The following BCR variants were observed in gnomAD, a reference collection of about 807,000 sequenced individuals.
BCR encodes breakpoint cluster region protein.
In BCR, 58 loss-of-function variants were observed where a neutral mutation model predicts 138.6. The ratio of observed to expected loss-of-function variants is 0.42; its 90% CI spans 0.34 to 0.52. BCR has a LOEUF of 0.52. Among genes scored for constraint, BCR ranks in the 20% least tolerant of loss-of-function variants. The probability of loss-of-function intolerance (pLI) is 0.06; values close to 1 mark genes in which losing one functional copy is unlikely to be tolerated. For missense variants in BCR, 1,599 were observed against 1,727.2 expected (o/e 0.93, Z 1.32); for synonymous variants, 786 against 730.1 (o/e 1.08, Z -1.23).
chr22:23,184,627 A>G (rs1391114772), intron 1 of BCR, among the ~76,000 whole-genome samples: 2 of 152,132 alleles, frequency 1.3e-5, no homozygotes, highest in African/African-American at 4.8e-5. Flanking sequence ...ACCTACCTGC[A>G]TTGGTGCCTC....
At chr22:23,271,151 A>G (rs2073505181) in intron 5 of BCR, among the ~76,000 whole-genome samples, 1 of 152,228 alleles carries the variant, frequency 6.6e-6, no homozygotes, top group Non-Finnish European at 1.5e-5. Context: ...TTCACAAGGG[A>G]CACTTGGCAA....
rs180818 is a variant in BCR at position 23,315,876 on chromosome 22, T to A, written c.*354T>A. The stretch of plus-strand genomic sequence containing the variant: ...ATTTCTACTGGATCACTTGTCAAGA[T>A]GCGCCCTCTCTGGGGAGAAGGGAAC... On this transcript the variant is annotated 3_prime_UTR_variant, in exon 23 of 23. Transcript: ENST00000305877. 85,544 of 426,070 alleles carry A rather than the reference T, an allele frequency of 0.2. 11,225 individuals carry two copies. Among genetic ancestry groups the A allele is most frequent in the East Asian group, 0.59 (13,925 of 23,604 alleles). The allele number at this position is 426,070 out of a possible 1,614,324, so 26.4% of individuals were successfully genotyped here. A position where few individuals can be genotyped will look rare whatever the true frequency, so the allele number is the denominator to read the frequency against.
chr22:23,199,290 T>C, intron 1 of BCR: 1 of 518,942 alleles, frequency 1.9e-6, no homozygotes, highest in Non-Finnish European at 3.8e-6. Flanking sequence ...AAGGAATGTC[T>C]GAGGAAGCAT....
intron 10 of BCR, among the ~76,000 whole-genome samples, chr22:23,285,465 G>C (rs1490775608): frequency 6.6e-6 from 1 of 152,206 alleles, no homozygotes; most frequent in African/African-American, 2.4e-5. Context: ...GGAACTGGTC[G>C]TGGTCTCTAC....
chr22:23,203,461 C>A (rs2146211796), intron 1 of BCR, among the ~76,000 whole-genome samples: 1 of 152,346 alleles, frequency 6.6e-6, no homozygotes, highest in South Asian at 2.1e-4. Flanking sequence ...GTGGGATTTT[C>A]ATTCCAGAGA....
chr22:23,191,095 G>A (rs2072407842), intron 1 of BCR, among the ~76,000 whole-genome samples: 1 of 151,968 alleles, frequency 6.6e-6, no homozygotes, highest in South Asian at 2.1e-4. Flanking sequence ...ACCATGCCTG[G>A]CTAATTTTTA....
At position 23,315,744 on chromosome 22, in the gene BCR, T is replaced by C. The variant is rs1049880702; in HGVS notation, c.*222T>C. 4.7e-5 allele frequency: 30 copies of C among 636,542 alleles called. No individual in the cohort carries two copies. The highest frequency in any genetic ancestry group is 3.0e-4 in the East Asian group (10 of 33,166). 39.4% of individuals were successfully genotyped at this position (636,542 alleles called of 1,614,324 possible). A position where few individuals can be genotyped will look rare whatever the true frequency, so the allele number is the denominator to read the frequency against. On this transcript the variant is annotated 3_prime_UTR_variant, in exon 23 of 23. Coordinates refer to ENST00000305877, the MANE Select transcript of BCR (RefSeq NM_004327.4). Reference sequence around the variant, plus strand: ...TGGCCTCAGACTGTGGTTTTTTATGTGGCCACCTGAGGGCGCCCCAAGCCA... The same window carrying C: ...TGGCCTCAGACTGTGGTTTTTTATGCGGCCACCTGAGGGCGCCCCAAGCCA...
intron 1 of BCR, among the ~76,000 whole-genome samples, chr22:23,236,149 C>T (rs976936299): frequency 6.6e-6 from 1 of 152,210 alleles, no homozygotes; most frequent in Admixed American, 6.5e-5. Context: ...GGTGCCACCT[C>T]CTGCACACCA....
chr22:23,283,780 C>T (rs1211618289), intron 8 of BCR, 197 bp from the exon 9 acceptor site: 1 of 649,200 alleles, frequency 1.5e-6, no homozygotes, highest in African/African-American at 1.9e-5. Flanking sequence ...ACACATAAGC[C>T]CTGATGTGTT....
At chr22:23,188,406 G>C (rs971743622) in intron 1 of BCR, among the ~76,000 whole-genome samples, 16 of 152,196 alleles carry the variant, frequency 1.1e-4, no homozygotes, top group African/African-American at 2.7e-4. Flanking sequence ...TAGCTTTATA[G>C]CCTCCTTCCT....
chr22:23,224,606 G>A (rs1310156849), intron 1 of BCR, among the ~76,000 whole-genome samples: 1 of 152,182 alleles, frequency 6.6e-6, no homozygotes, highest in Non-Finnish European at 1.5e-5. Context: ...GAGAGGCCGG[G>A]GGCTGTAGCT....
In BCR at chr22:23,290,364, G is replaced by C; in HGVS notation, c.2733G>C (p.Gly911=). The C allele has an allele frequency of 6.2e-7, 1 of 1,614,168 alleles. No homozygotes were observed. Among genetic ancestry groups the C allele is most frequent in the South Asian group, 1.1e-5 (1 of 91,084 alleles). ...KEDDESPGLY[G]FLNVIVHSAT... is the part of the protein sequence containing the mutation. ...ATGATGAGTCTCCGGGGCTCTATGG[G>C]TTTCTGAATGTCATCGTCCACTCAG... Residue 911 remains glycine, a synonymous_variant, in exon 14 of 23, where the codon GGG becomes GGC. Transcript: ENST00000305877.
chr22:23,233,392 A>G (rs535682143), intron 1 of BCR, among the ~76,000 whole-genome samples: 4 of 152,316 alleles, frequency 2.6e-5, no homozygotes, highest in South Asian at 4.1e-4. Flanking sequence ...CTGCTTCCCC[A>G]CACCGACTTC....
rs751970584 is a variant in BCR at position 23,292,599 on chromosome 22, G to A, written c.2841G>A (p.Thr947=). 3.0e-5 allele frequency: 49 copies of A among 1,613,360 alleles called. No homozygotes were observed. The highest frequency in any genetic ancestry group is 3.3e-5 in the Admixed American group (2 of 59,974). ...GGTATTTTGTGAATAAAGCAAAGAC[G>A]CGCGTCTACAGGGACACAGCTGAGC... ...SFGYFVNKAK[T]RVYRDTAEPN... The change falls in exon 15 of 23, where the codon ACG becomes ACA. Residue 947 remains threonine, a synonymous_variant. Transcript: ENST00000305877.
At chr22:23,235,824 C>T (rs2073016439) in intron 1 of BCR, among the ~76,000 whole-genome samples, 2 of 152,244 alleles carry the variant, frequency 1.3e-5, no homozygotes, top group Admixed American at 1.3e-4. Flanking sequence ...TGTGTTCTCA[C>T]CTGGTGTGGA....
At chr22:23,199,809 G>A (rs986781071) in intron 1 of BCR, among the ~76,000 whole-genome samples, 1 of 152,150 alleles carries the variant, frequency 6.6e-6, no homozygotes, top group Non-Finnish European at 1.5e-5. Flanking sequence ...GACAAGGCGG[G>A]GCCAGGCGCG....
At chr22:23,198,913 A>T (rs2072513756) in intron 1 of BCR, among the ~76,000 whole-genome samples, 1 of 152,104 alleles carries the variant, frequency 6.6e-6, no homozygotes, top group Non-Finnish European at 1.5e-5. Flanking sequence ...TGAGGTCAGG[A>T]GTTCAAGACC....
intron 8 of BCR, among the ~76,000 whole-genome samples, chr22:23,282,617 G>GCAGGTTCTTCTGC (rs1259834264): frequency 5.3e-5 from 8 of 152,238 alleles, no homozygotes; most frequent in Non-Finnish European, 1.0e-4. Context: ...AGAACCTCAG[G>GCAGGTTCTTCTGC]CTGCAGGTGA....
At chr22:23,264,129 A>G (rs1235191559) in intron 4 of BCR, 1 of 1,523,102 alleles carries the variant, frequency 6.6e-7, no homozygotes, top group Non-Finnish European at 9.1e-7. Context: ...GGAGCCCCAC[A>G]ACAGCACCCT....
Sources: gnomAD v4.1 joint callset for allele counts (sites outside exome capture counted in the v4.1 genomes callset) on GRCh38, gnomAD v4.1.1 for gene constraint, MANE v1.5 for transcripts, NCBI Gene and HGNC (gene_info 2026-07-23, HGNC 2026-07-21) for gene names.